Variants in LMO7 observed in about 807,000 individuals in gnomAD.
LMO7 encodes the protein LIM domain 7, also known as LIM domain only protein 7.
In LMO7, 120 loss-of-function variants were observed where a neutral mutation model predicts 206.5. The observed-to-expected ratio is 0.58, with a 90% CI of 0.50 to 0.68. The LOEUF (loss-of-function observed/expected upper bound fraction) is 0.68. Ranked by LOEUF, LMO7 falls within the 30% of genes least tolerant of loss-of-function variation. LMO7 has a pLI of 0.00. For missense variants in LMO7, 1,959 were observed against 1,957.9 expected (o/e 1.00, Z -0.01); for synonymous variants, 706 against 681.5 (o/e 1.04, Z -0.56).
intron 1 of LMO7, among the ~76,000 whole-genome samples, chr13:75,646,515 T>G (rs2037025573): frequency 2.0e-5 from 3 of 151,982 alleles, no homozygotes; most frequent in Admixed American, 2.0e-4. Context: ...CCACCCCCAC[T>G]CTTCGACTTG....
At position 75,858,349 on chromosome 13, in the gene LMO7, G is replaced by T. The variant is rs1306630383; in HGVS notation, c.*406G>T. ...AAATAGTTAATATAAATACATAATT[G>T]CATTTGCTCTGTTTATTGTAATGTA... On this transcript the variant is annotated 3_prime_UTR_variant, in exon 31 of 31. Transcript: ENST00000377534. The T allele has an allele frequency of 6.2e-6, 1 of 161,604 alleles. No individual in the cohort carries two copies. The highest frequency in any genetic ancestry group is 2.4e-5 in the African/African-American group (1 of 41,792). 10.0% of individuals were successfully genotyped at this position (161,604 alleles called of 1,614,324 possible).
intron 2 of LMO7, among the ~76,000 whole-genome samples, chr13:75,716,737 C>A (rs1026116050): frequency 6.6e-6 from 1 of 152,102 alleles, no homozygotes; most frequent in Non-Finnish European, 1.5e-5. Context: ...TGTATCACTT[C>A]ATCAGTGTCC....
intron 2 of LMO7, among the ~76,000 whole-genome samples, chr13:75,716,181 A>G (rs528426443): frequency 1.3e-5 from 2 of 152,326 alleles, no homozygotes; most frequent in Admixed American, 6.5e-5. Flanking sequence ...AAAAAAATCC[A>G]TTAGTAGTAC....
intron 3 of LMO7, among the ~76,000 whole-genome samples, chr13:75,738,111 G>T (rs868392762): frequency 6.6e-6 from 1 of 152,024 alleles, no homozygotes; most frequent in Non-Finnish European, 1.5e-5. Flanking sequence ...TCAGGTTGAC[G>T]TGGGTACTGT....
intron 1 of LMO7, among the ~76,000 whole-genome samples, chr13:75,709,795 T>C (rs1292751893): frequency 2.0e-5 from 3 of 152,086 alleles, no homozygotes; most frequent in African/African-American, 7.3e-5. Flanking sequence ...AGAAGCTCTT[T>C]AGTTTAATTA....
rs151095566 is a variant in LMO7 at position 75,824,366 on chromosome 13, T to C, written c.2949+493T>C. ...TTAACCTTCTAGTGACTTTTAATAC[T>C]ATTTTGTACTTTAGAACGTCTATAA... On this transcript the variant is annotated intron_variant, in intron 15 of 30. Coordinates refer to ENST00000377534, the MANE Select transcript of LMO7 (RefSeq NM_001306080.2). 9.0e-4 allele frequency among the ~76,000 whole-genome samples: 137 copies of C among 152,336 alleles called. 1 individual carries two copies. In the East Asian group the frequency reaches 0.019, roughly 21 times the overall value.
rs545344409 is a variant in LMO7, at chr13:75,796,808, T to A, written c.462+59T>A. 3.9e-6 allele frequency: 4 copies of A among 1,028,260 alleles called. No individual in the cohort carries two copies. The African/African-American group carries it at 6.4e-5, about 17-fold the overall frequency. The allele number at this position is 1,028,260 out of a possible 1,614,324, so 63.7% of individuals were successfully genotyped here. A position where few individuals can be genotyped will look rare whatever the true frequency, so the allele number is the denominator to read the frequency against. ...GTAATACAGTATCACTGCTTTCCCT[T>A]CCTCCTCTCTTCTTTTTCTTCTCCT... is the stretch of plus-strand genomic sequence containing the variant. On this transcript the variant is annotated intron_variant, in intron 6 of 30. Transcript: ENST00000377534.
chr13:75,852,499 A>T (rs2060576596), intron 27 of LMO7, among the ~76,000 whole-genome samples: 1 of 152,222 alleles, frequency 6.6e-6, no homozygotes, highest in African/African-American at 2.4e-5. Context: ...TAAAAGTTGG[A>T]AAGAAAACAG....
intron 2 of LMO7, among the ~76,000 whole-genome samples, chr13:75,724,131 G>A (rs1025098747): frequency 6.6e-6 from 1 of 152,050 alleles, no homozygotes; most frequent in Non-Finnish European, 1.5e-5. Context: ...ATGAGGTTTG[G>A]GAGGAATTCC....
chr13:75,811,790 G>A (rs2056428110), intron 11 of LMO7, among the ~76,000 whole-genome samples: 1 of 152,080 alleles, frequency 6.6e-6, no homozygotes, highest in African/African-American at 2.4e-5. Context: ...ATGTGTTTTG[G>A]CAGAAGCAAT....
At chr13:75,812,119 G>A (rs532539732) in intron 11 of LMO7, among the ~76,000 whole-genome samples, 8 of 151,568 alleles carry the variant, frequency 5.3e-5, no homozygotes, top group Admixed American at 1.3e-4. Flanking sequence ...GGGTGTGTGT[G>A]CTACTGGCAA....
chr13:75,778,530 C>G (rs533258360), intron 4 of LMO7, among the ~76,000 whole-genome samples: 5 of 152,252 alleles, frequency 3.3e-5, no homozygotes, highest in Non-Finnish European at 7.3e-5. Flanking sequence ...CTGCGCCCGG[C>G]CAATCGAGTG....
chr13:75,744,727 C>T (rs143506617), intron 3 of LMO7, among the ~76,000 whole-genome samples: 10 of 152,324 alleles, frequency 6.6e-5, no homozygotes, highest in East Asian at 1.9e-4. Flanking sequence ...TACTATGTGT[C>T]GGGCACTGTT....
At chr13:75,794,872 T>A (rs1025488768) in intron 4 of LMO7, among the ~76,000 whole-genome samples, 2 of 152,122 alleles carry the variant, frequency 1.3e-5, no homozygotes, top group Non-Finnish European at 2.9e-5. Flanking sequence ...TTTTCAACAT[T>A]TGCAGGGTCA....
intron 2 of LMO7, among the ~76,000 whole-genome samples, chr13:75,717,583 T>A (rs1282236859): frequency 1.3e-5 from 2 of 151,662 alleles, no homozygotes; most frequent in East Asian, 1.9e-4. Context: ...AATAGAAAAA[T>A]ATATATTTTT....
At chr13:75,685,452 A>T (rs902778654) in intron 1 of LMO7, among the ~76,000 whole-genome samples, 5 of 152,184 alleles carry the variant, frequency 3.3e-5, no homozygotes, top group Non-Finnish European at 7.4e-5. Context: ...AGACCAATTA[A>T]AAGATGAAAG....
intron 11 of LMO7, among the ~76,000 whole-genome samples, chr13:75,813,502 T>G (rs568190178): frequency 6.6e-6 from 1 of 152,298 alleles, no homozygotes; most frequent in Non-Finnish European, 1.5e-5. Flanking sequence ...CCTCCCTTCC[T>G]GGCTTGTTGC....
At chr13:75,774,735 C>A (rs917586680) in intron 4 of LMO7, among the ~76,000 whole-genome samples, 1 of 152,082 alleles carries the variant, frequency 6.6e-6, no homozygotes, top group Non-Finnish European at 1.5e-5. Flanking sequence ...AATTATAAAA[C>A]TTCCTTATAT....
At position 75,636,694 on chromosome 13, in the gene LMO7, G is replaced by T; in HGVS notation, c.37G>T (p.Val13Leu). Residue 13 changes from valine to leucine, a missense_variant, in exon 1 of 31, where the codon GTG (valine) becomes TTG (leucine). Val to Leu is a conservative substitution (Grantham distance 32). Coordinates refer to ENST00000377534, the MANE Select transcript of LMO7 (RefSeq NM_001306080.2). ...GGAGGAGGCAGAGGCCAACTGCTCC[G>T]TGGCGTTCGCTGAGGCTCAGAGATG... Reference protein sequence around the residue: ...GLEEAEANCSVAFAEAQRWVE... With the variant: ...GLEEAEANCSLAFAEAQRWVE... The T allele has an allele frequency of 6.2e-7, 1 of 1,609,756 alleles. No homozygotes were observed. The highest frequency in any genetic ancestry group is 2.2e-5 in the East Asian group (1 of 44,774).
Sources: gnomAD v4.1 joint callset for allele counts (sites outside exome capture counted in the v4.1 genomes callset) on GRCh38, gnomAD v4.1.1 for gene constraint, MANE v1.5 for transcripts, NCBI Gene and HGNC (gene_info 2026-07-23, HGNC 2026-07-21) for gene names.